The following POLN variants were observed in gnomAD, a reference collection of about 807,000 sequenced individuals.
POLN encodes the protein DNA polymerase nu.
A neutral mutation model predicts 113.5 loss-of-function variants in POLN; 108 were observed. That is an observed-to-expected ratio of 0.95 (90% CI 0.81 to 1.12). The LOEUF is 1.12. Among genes scored for constraint, POLN ranks in the 50% most tolerant of loss-of-function variants. The probability of loss-of-function intolerance (pLI) is 0.00; values close to 1 mark genes in which losing one functional copy is unlikely to be tolerated. For missense variants in POLN, 1,097 were observed against 1,077.1 expected, an observed-to-expected ratio of 1.02 and a Z score of -0.26; for synonymous variants, 386 against 391.5, an observed-to-expected ratio of 0.99 and a Z score of 0.17.
intron 19 of POLN, among the ~76,000 whole-genome samples, chr4:2,110,227 C>T (rs547684048): frequency 1.3e-5 from 2 of 152,236 alleles, no homozygotes; most frequent in South Asian, 4.1e-4. Context: ...ATCTCTGGGA[C>T]ACATTCAAAG....
intron 21 of POLN, 85 bp downstream of exon 21, chr4:2,085,528 C>T (rs1365997944): frequency 5.7e-6 from 9 of 1,571,742 alleles, no homozygotes; most frequent in Admixed American, 1.7e-5. Context: ...CCAGGGCCCG[C>T]CTGCACACCA....
chr4:2,095,912 C>T lies in POLN; in HGVS notation c.2004G>A (p.Gln668=). ...TSQWKDVPVE[Q]VTHADREQTK... is the part of the protein sequence containing the mutation. ...TTTGCTCTCTGTCTGCGTGTGTCAC[C>T]TGTTCCACGGGCACATCCTTCCTGC... The change falls in exon 20 of 26, where the codon CAG becomes CAA. Residue 668 remains glutamine, a synonymous_variant. Coordinates refer to ENST00000511885, the MANE Select transcript of POLN (RefSeq NM_181808.4). The T allele has an allele frequency of 1.2e-6, 2 of 1,614,196 alleles. No individual in the cohort carries two copies. The highest frequency in any genetic ancestry group is 2.2e-5 in the East Asian group (1 of 44,884).
intron 4 of POLN, among the ~76,000 whole-genome samples, chr4:2,209,688 G>T: frequency 1.5e-5 from 2 of 135,464 alleles, no homozygotes; most frequent in African/African-American, 2.8e-5. Flanking sequence ...TTGAGACAGG[G>T]TCTTGTTCTG....
chr4:2,231,918 C>T (rs1307498114), intron 2 of POLN: 1 of 1,101,572 alleles, frequency 9.1e-7, no homozygotes, highest in Non-Finnish European at 1.3e-6. Flanking sequence ...ATTCAGTTTT[C>T]AGTAATTTTC....
At chr4:2,113,501 C>T (rs1356109882) in intron 19 of POLN, among the ~76,000 whole-genome samples, 1 of 151,792 alleles carries the variant, frequency 6.6e-6, no homozygotes, top group Non-Finnish European at 1.5e-5. Context: ...GTATAATTCC[C>T]CTTTCTCCTC....
chr4:2,174,798 G>A lies in POLN; in HGVS notation c.1249-47C>T, dbSNP rs747777111. ...CATCAACGTCAATTTAAATATTATT[G>A]TATCTGCATTTTGTTGAAAAGCCTA... On this transcript the variant is annotated intron_variant, in intron 9 of 25. Coordinates refer to ENST00000511885, the MANE Select transcript of POLN (RefSeq NM_181808.4). The A allele has an allele frequency of 1.3e-5, 17 of 1,315,786 alleles. 1 individual carries two copies. Among genetic ancestry groups the A allele is most frequent in the South Asian group, 1.0e-4 (8 of 78,640 alleles). 81.5% of individuals were successfully genotyped at this position (1,315,786 alleles called of 1,614,324 possible).
intron 5 of POLN, among the ~76,000 whole-genome samples, chr4:2,207,290 G>T (rs185041449): frequency 1.3e-5 from 2 of 151,870 alleles, no homozygotes; most frequent in Non-Finnish European, 2.9e-5. Context: ...ACTACAAATT[G>T]TGTGCAGTGT....
intron 3 of POLN, among the ~76,000 whole-genome samples, chr4:2,217,181 G>C (rs1233471239): frequency 6.6e-6 from 1 of 152,224 alleles, no homozygotes; most frequent in Admixed American, 6.5e-5. Flanking sequence ...CTGCCCAAGA[G>C]TTCCAAATGT....
Position 2,093,004 on chromosome 4 carries a change from A to T in POLN, c.2065+2847T>A, listed in dbSNP as rs967407608. Among the ~76,000 whole-genome samples the T allele has an allele frequency of 1.3e-5, 2 of 152,218 alleles. No homozygotes were observed. Among genetic ancestry groups the T allele is most frequent in the African/African-American group, 4.8e-5 (2 of 41,460 alleles). ...GAGGCTCAGGGTGGGAACCCTTGTC[A>T]CTGTCACAGCTAAAAGCAGCCAAAT... is the stretch of plus-strand genomic sequence containing the variant. On this transcript the variant is annotated intron_variant, in intron 20 of 25. Coordinates refer to ENST00000511885, the MANE Select transcript of POLN (RefSeq NM_181808.4). This position sits in a 1 kb window ranked among gnomAD's most constrained non-coding sequence, Gnocchi z 4.1.
At chr4:2,170,565 G>T in intron 13 of POLN, 114 bp downstream of exon 13, 1 of 858,242 alleles carries the variant, frequency 1.2e-6, no homozygotes, top group Non-Finnish European at 1.8e-6. Flanking sequence ...TGCAGAAACT[G>T]CTGCCAGCAT....
chr4:2,116,562 A>AC lies in POLN; in HGVS notation c.1982+11550_1982+11551insG, dbSNP rs575409921. Among the ~76,000 whole-genome samples, 141 of 151,588 alleles carry AC rather than the reference A, an allele frequency of 9.3e-4. 2 individuals are homozygous for AC. In the South Asian group the frequency reaches 0.028, roughly 30 times the overall value. ...CATGAATTACCAATTAAAAAAAAAA[A>AC]ACCCAAATCCATGTTTCAGAACATC... is the stretch of plus-strand genomic sequence containing the variant. On this transcript the variant is annotated intron_variant, in intron 19 of 25. Transcript: ENST00000511885.
intron 19 of POLN, among the ~76,000 whole-genome samples, chr4:2,110,372 C>T (rs1328273986): frequency 6.6e-6 from 1 of 151,872 alleles, no homozygotes; most frequent in Non-Finnish European, 1.5e-5. Context: ...TAGCAGAAGG[C>T]AAGAAATAAC....
rs994674304 is a variant in POLN at position 2,082,205 on chromosome 4, C to G, written c.2198-462G>C. Among the ~76,000 whole-genome samples, 5 of 152,218 alleles carry G rather than the reference C, an allele frequency of 3.3e-5. No homozygotes were observed. In the East Asian group the frequency reaches 9.7e-4, roughly 29 times the overall value. On this transcript the variant is annotated intron_variant, in intron 21 of 25. Coordinates refer to ENST00000511885, the MANE Select transcript of POLN (RefSeq NM_181808.4). Reference sequence around the variant, plus strand: ...TCCTGACCTCAGGTGATCCACCCGCCTTGGCCTCCAAAGCGCTGGTATTAC... The same window carrying G: ...TCCTGACCTCAGGTGATCCACCCGCGTTGGCCTCCAAAGCGCTGGTATTAC...
rs977718247 is a variant in POLN at position 2,095,902 on chromosome 4, C to A, written c.2014G>T (p.Ala672Ser). ...ACCTTCTTGGTTTGCTCTCTGTCTG[C>A]GTGTGTCACCTGTTCCACGGGCACA... ...KDVPVEQVTH[A>S]DREQTKKVVY... is the part of the protein sequence containing the mutation. The change falls in exon 20 of 26, where the codon GCA becomes TCA. Residue 672 changes from alanine (A) to serine (S), a missense_variant. Coordinates refer to ENST00000511885, the MANE Select transcript of POLN (RefSeq NM_181808.4). The A allele has an allele frequency of 3.1e-6, 5 of 1,614,162 alleles. No homozygotes were observed. Among genetic ancestry groups the A allele is most frequent in the Non-Finnish European group, 3.4e-6 (4 of 1,180,030 alleles).
At position 2,174,019 on chromosome 4, in the gene POLN, A is replaced by G; in HGVS notation, c.1310T>C (p.Val437Ala). The change falls in exon 11 of 26, where the codon GTG (valine) becomes GCG (alanine). Residue 437 changes from valine to alanine, a missense_variant and splice_region_variant. Val to Ala is a moderately conservative substitution (Grantham distance 64). Coordinates refer to ENST00000511885, the MANE Select transcript of POLN (RefSeq NM_181808.4). ...CACCTGAATGGCATGGCTTTCCATC[A>G]CTGTGATTCGAAACCCAAACCAGAT... ...LELPLIPILA[V>A]MESHAIQVNK... 3 of 1,614,118 alleles carry G rather than the reference A, an allele frequency of 1.9e-6. No homozygotes were observed. Among genetic ancestry groups the G allele is most frequent in the Non-Finnish European group, 2.5e-6 (3 of 1,179,998 alleles).
At chr4:2,074,863 G>A (rs1334596822) in intron 24 of POLN, among the ~76,000 whole-genome samples, 1 of 152,152 alleles carries the variant, frequency 6.6e-6, no homozygotes, top group Admixed American at 6.5e-5. Context: ...GCTGTGGGGA[G>A]GCCCCGGCCC....
chr4:2,238,687 T>C, intron 2 of POLN: 2 of 1,613,346 alleles, frequency 1.2e-6, no homozygotes, highest in Non-Finnish European at 1.7e-6. Flanking sequence ...ACATTTCTAA[T>C]TGCTTGTAGA....
chr4:2,125,163 G>A (rs1275608734), intron 19 of POLN, among the ~76,000 whole-genome samples: 2 of 152,222 alleles, frequency 1.3e-5, no homozygotes, highest in African/African-American at 2.4e-5. Flanking sequence ...AGGCTGCCAT[G>A]TAAGGCTGGG....
chr4:2,085,494 AG>A, intron 21 of POLN, 118 bp downstream of exon 21: 5 of 1,301,240 alleles, frequency 3.8e-6, no homozygotes, highest in Non-Finnish European at 5.3e-6. Flanking sequence ...GGATTCACCC[AG>A]GCCCCCAAAC....
Sources: allele counts gnomAD v4.1 joint callset (sites outside exome capture counted in the v4.1 genomes callset), GRCh38; gene constraint gnomAD v4.1.1; non-coding constraint Gnocchi (gnomAD v3.1); transcripts MANE v1.5; gene names NCBI Gene and HGNC (gene_info 2026-07-23, HGNC 2026-07-21).